LYSET: variants seen among roughly 807,000 people sequenced by gnomAD.
The protein encoded by LYSET is lysosomal enzyme trafficking factor, also known as GNPTAB cleavage and activity factor.
chr14:93,188,000 C>G, the LYSET span, among the ~76,000 whole-genome samples: 2 of 151,240 alleles, frequency 1.3e-5, no homozygotes, highest in South Asian at 4.2e-4. Flanking sequence ...GCTCTGTAGC[C>G]CAGACTGGTG....
chr14:93,186,848 C>G, the LYSET span: 1 of 609,460 alleles, frequency 1.6e-6, no homozygotes, highest in Non-Finnish European at 2.8e-6. Context: ...TAGGTAAAAC[C>G]TGAGATAGAG....
chr14:93,186,414 G>C, the LYSET span: 1 of 1,614,196 alleles, frequency 6.2e-7, no homozygotes, highest in African/African-American at 1.3e-5. Context: ...ACAGCACCCT[G>C]AGGAGCCCCT....
the LYSET span, chr14:93,186,520 T>A: frequency 6.2e-7 from 1 of 1,614,264 alleles, no homozygotes; most frequent in Non-Finnish European, 8.5e-7. Flanking sequence ...TACTTACAGA[T>A]GTTTTTGTTC....
chr14:93,187,312 T>C, the LYSET span, among the ~76,000 whole-genome samples: 9 of 152,282 alleles, frequency 5.9e-5, no homozygotes, highest in East Asian at 1.7e-3. Flanking sequence ...TTGTGGAGAA[T>C]GGGGTCTCGC....
chr14:93,186,886 G>C, the LYSET span: 5 of 478,218 alleles, frequency 1.0e-5, no homozygotes, highest in East Asian at 1.6e-4. Context: ...GATGACTTCA[G>C]ATTTTGGAAG....
At chr14:93,187,167 T>C in the LYSET span, 1 of 165,878 alleles carries the variant, frequency 6.0e-6, no homozygotes, top group Non-Finnish European at 1.5e-5. Context: ...CTAGACTTGC[T>C]GTCAGCTTAT....
At chr14:93,186,491 A>G in the LYSET span, 2,948 of 1,614,194 alleles carry the variant, frequency 1.8e-3, 51 homozygotes, top group African/African-American at 0.035. Context: ...GGGTGTGGAC[A>G]GTTATTTTTC....
At chr14:93,188,104 A>T in the LYSET span, among the ~76,000 whole-genome samples, 3 of 149,896 alleles carry the variant, frequency 2.0e-5, no homozygotes, top group Admixed American at 6.7e-5. Context: ...GATTACAGGC[A>T]CCCACCACCA....
the LYSET span, chr14:93,187,127 G>A: frequency 1.8e-5 from 3 of 168,688 alleles, no homozygotes; most frequent in East Asian, 1.9e-4. Flanking sequence ...TTAAAACACC[G>A]ATTCATTCTA....
At chr14:93,186,647 C>G in the LYSET span, 1 of 1,601,940 alleles carries the variant, frequency 6.2e-7, no homozygotes, top group Non-Finnish European at 8.5e-7. Context: ...ATCAGATCAG[C>G]AGACTACAAC....
At chr14:93,187,382 C>T in the LYSET span, among the ~76,000 whole-genome samples, 1 of 152,008 alleles carries the variant, frequency 6.6e-6, no homozygotes, top group Non-Finnish European at 1.5e-5. Flanking sequence ...TCTCTGGCTC[C>T]CTAAGTGCTA....
chr14:93,185,195 C>G, the LYSET span: 1 of 251,052 alleles, frequency 4.0e-6, no homozygotes, highest in Non-Finnish European at 7.5e-6. Context: ...CGGGGCCGGC[C>G]GCCCGGAGGC....
the LYSET span, chr14:93,185,127 C>T: frequency 6.6e-6 from 1 of 150,580 alleles, no homozygotes; most frequent in African/African-American, 2.4e-5. Flanking sequence ...AGGCCCGGGC[C>T]TGGCGCCGCC....
chr14:93,186,397 A>C, the LYSET span: 2 of 1,614,224 alleles, frequency 1.2e-6, no homozygotes, highest in East Asian at 4.5e-5. Flanking sequence ...GCCTTGGAAC[A>C]CATTCAACAG....
chr14:93,185,295 C>G, the LYSET span: 1 of 1,026,594 alleles, frequency 9.7e-7, no homozygotes, highest in Non-Finnish European at 1.4e-6. Flanking sequence ...CGTGACCCGC[C>G]GCAGTCACGC....
the LYSET span, among the ~76,000 whole-genome samples, chr14:93,187,751 C>T: frequency 1.3e-5 from 2 of 152,030 alleles, no homozygotes; most frequent in Non-Finnish European, 2.9e-5. Context: ...CGGGTTTAAG[C>T]GATTCTCTTG....
At chr14:93,187,360 G>T in the LYSET span, among the ~76,000 whole-genome samples, 1 of 152,098 alleles carries the variant, frequency 6.6e-6, no homozygotes, top group South Asian at 2.1e-4. Context: ...CTGGGCTCAA[G>T]CTTTCCTCCT....
the LYSET span, chr14:93,185,581 C>A: frequency 9.5e-7 from 1 of 1,054,344 alleles, no homozygotes; most frequent in Non-Finnish European, 1.4e-6. Context: ...GAAAGTGTTT[C>A]ACCTGTCAAA....
chr14:93,188,431 A>G, the LYSET span, among the ~76,000 whole-genome samples: 8 of 152,212 alleles, frequency 5.3e-5, no homozygotes, highest in Non-Finnish European at 7.3e-5. Flanking sequence ...ACTACCTCAC[A>G]TCTGGTACTA....
Sources: allele counts gnomAD v4.1 joint callset (sites outside exome capture counted in the v4.1 genomes callset), GRCh38; gene constraint gnomAD v4.1.1; transcripts MANE v1.5; gene names NCBI Gene and HGNC (gene_info 2026-07-23, HGNC 2026-07-21).